The following HORMAD2 variants were observed in gnomAD, a reference collection of about 807,000 sequenced individuals.
HORMAD2 encodes HORMA domain containing 2.
HORMAD2 carries 45 observed loss-of-function variants against 38.8 expected under a neutral mutation model. That is an observed-to-expected ratio of 1.16 (90% confidence interval 0.91 to 1.49). The LOEUF (loss-of-function observed/expected upper bound fraction) is 1.49, where lower values mean the gene tolerates loss of function less well. Among genes scored for constraint, HORMAD2 ranks in the 40% most tolerant of loss-of-function variants. The probability of loss-of-function intolerance (pLI) is 0.00; values close to 1 mark genes in which losing one functional copy is unlikely to be tolerated. For synonymous variants in HORMAD2, 126 were observed against 122.8 expected, an observed-to-expected ratio of 1.03 and a Z score of -0.17; for missense variants, 338 against 367.0, an observed-to-expected ratio of 0.92 and a Z score of 0.65.
downstream of HORMAD2, among the ~76,000 whole-genome samples, chr22:30,177,955 C>T (rs1473371175): frequency 6.6e-6 from 1 of 151,962 alleles, no homozygotes; most frequent in Non-Finnish European, 1.5e-5. Flanking sequence ...GCTAGGATTA[C>T]AGGCATGAGC....
At chr22:30,195,983 A>G in the HORMAD2 span, among the ~76,000 whole-genome samples, 2 of 152,210 alleles carry the variant, frequency 1.3e-5, no homozygotes, top group African/African-American at 4.8e-5. Flanking sequence ...TGGGAAAGAA[A>G]AACTTTTCCT....
At chr22:30,198,795 A>G in the HORMAD2 span, among the ~76,000 whole-genome samples, 10 of 145,336 alleles carry the variant, frequency 6.9e-5, no homozygotes, top group African/African-American at 2.4e-4. Flanking sequence ...TATAATTCAC[A>G]TTTTAAATTA....
Position 30,098,834 on chromosome 22 carries a change from C to A in HORMAD2, c.52-18C>A, listed in dbSNP as rs1920926055. ...ATTAAATAATACTAATCTTTTTTCACCTCCGTTGTTTTTCCAGGAAACAGT... is the reference window on the plus strand; with the variant it reads ...ATTAAATAATACTAATCTTTTTTCAACTCCGTTGTTTTTCCAGGAAACAGT... On this transcript the variant is annotated intron_variant, in intron 2 of 10. Coordinates refer to ENST00000336726, the MANE Select transcript of HORMAD2 (RefSeq NM_152510.4). The A allele has an allele frequency of 1.2e-6, 2 of 1,600,900 alleles. No individual in the cohort carries two copies. The highest frequency in any genetic ancestry group is 1.3e-5 in the African/African-American group (1 of 74,094).
intron 10 of HORMAD2, among the ~76,000 whole-genome samples, chr22:30,158,356 AT>A (rs1569115136): frequency 6.6e-6 from 1 of 152,210 alleles, no homozygotes; most frequent in Non-Finnish European, 1.5e-5. Flanking sequence ...ATATCTAAGG[AT>A]GACAAATATT....
Position 30,119,026 on chromosome 22 carries a change from G to T in HORMAD2, c.389G>T (p.Gly130Val). 1 of 1,587,880 alleles carries T rather than the reference G, an allele frequency of 6.3e-7. No individual in the cohort carries two copies. The highest frequency in any genetic ancestry group is 8.6e-7 in the Non-Finnish European group (1 of 1,165,478). ...YQFKFKYTKEGATMDFDSHSS... is the reference protein window; with the variant it reads ...YQFKFKYTKEVATMDFDSHSS... The stretch of plus-strand genomic sequence containing the variant: ...TTCAAATTCAAATACACGAAAGAAG[G>T]AGCCACTATGGATTTTGACAGGTAG... The change falls in exon 8 of 11, where the codon GGA (glycine) becomes GTA (valine). Residue 130 changes from glycine (G) to valine (V), a missense_variant. Transcript: ENST00000336726.
intron 7 of HORMAD2, among the ~76,000 whole-genome samples, chr22:30,114,625 A>G (rs1400451206): frequency 1.3e-5 from 2 of 152,222 alleles, no homozygotes; most frequent in African/African-American, 2.4e-5. Context: ...AAATTGCACA[A>G]ACAATAACAA....
At chr22:30,101,917 A>G (rs1185448647) in intron 3 of HORMAD2, among the ~76,000 whole-genome samples, 1 of 151,954 alleles carries the variant, frequency 6.6e-6, no homozygotes, top group Non-Finnish European at 1.5e-5. Context: ...AAATACAAAA[A>G]ATTAGCTGGC....
chr22:30,109,262 G>T (rs1253428984), intron 5 of HORMAD2, among the ~76,000 whole-genome samples: 1 of 152,024 alleles, frequency 6.6e-6, no homozygotes, highest in African/African-American at 2.4e-5. Flanking sequence ...CTGACCTTGT[G>T]ATCCTCCGGC....
At chr22:30,085,022 T>C (rs1423627618) in intron 1 of HORMAD2, among the ~76,000 whole-genome samples, 3 of 151,992 alleles carry the variant, frequency 2.0e-5, no homozygotes, top group Non-Finnish European at 2.9e-5. Context: ...GGCAGTCGCC[T>C]GTAGTCCCAG....
At chr22:30,162,552 G>A (rs1925512493) in intron 10 of HORMAD2, among the ~76,000 whole-genome samples, 1 of 152,004 alleles carries the variant, frequency 6.6e-6, no homozygotes, top group Admixed American at 6.6e-5. Context: ...TAAATTAAAT[G>A]TTAAATTTTA....
At chr22:30,103,188 C>T (rs1352686667) in intron 3 of HORMAD2, among the ~76,000 whole-genome samples, 2 of 152,000 alleles carry the variant, frequency 1.3e-5, no homozygotes, top group Non-Finnish European at 1.5e-5. Context: ...ATTTTGGAGC[C>T]AACTCAGTTG....
At chr22:30,094,534 C>A (rs1431886089) in intron 2 of HORMAD2, among the ~76,000 whole-genome samples, 1 of 152,112 alleles carries the variant, frequency 6.6e-6, no homozygotes, top group Non-Finnish European at 1.5e-5. Flanking sequence ...GTGTAACTCA[C>A]TGATAAAATA....
chr22:30,177,463 G>A (rs1421633752), downstream of HORMAD2, among the ~76,000 whole-genome samples: 2 of 152,210 alleles, frequency 1.3e-5, no homozygotes, highest in Admixed American at 6.5e-5. Flanking sequence ...TGCAGGCAAG[G>A]AGGAGCATTT....
At chr22:30,169,833 A>C (rs1926002742) in intron 10 of HORMAD2, among the ~76,000 whole-genome samples, 1 of 152,100 alleles carries the variant, frequency 6.6e-6, no homozygotes, top group Admixed American at 6.6e-5. Context: ...AACTTGGATA[A>C]TTTTTGTCAT....
intron 2 of HORMAD2, among the ~76,000 whole-genome samples, chr22:30,098,413 G>A (rs1920924492): frequency 6.6e-6 from 1 of 152,150 alleles, no homozygotes; most frequent in African/African-American, 2.4e-5. Flanking sequence ...GAGAGTATGT[G>A]GGTAACAGTG....
chr22:30,201,794 TAGA>T, the HORMAD2 span, among the ~76,000 whole-genome samples: 1 of 152,106 alleles, frequency 6.6e-6, no homozygotes, highest in East Asian at 1.9e-4. Context: ...AGGCTACATC[TAGA>T]AGTTGTGGTC....
chr22:30,111,641 G>A (rs1921662890), intron 5 of HORMAD2, among the ~76,000 whole-genome samples, 155 bp from the exon 6 acceptor site: 3 of 152,118 alleles, frequency 2.0e-5, no homozygotes, highest in Non-Finnish European at 4.4e-5. Flanking sequence ...ACTGAGGGAT[G>A]ACTGTATCCT....
In HORMAD2 at chr22:30,174,038, G is replaced by T. The variant is rs142124786; in HGVS notation, c.820-2025G>T. ...AGTAGGGCAACATCATATACAGAAA[G>T]CATATCTTCAGGGCTTTTTTCAGAT... On this transcript the variant is annotated intron_variant, in intron 10 of 10. Transcript: ENST00000336726. Among the ~76,000 whole-genome samples the T allele has an allele frequency of 4.9e-3, 741 of 152,228 alleles. 3 individuals carry two copies. The highest frequency in any genetic ancestry group is 0.01 in the South Asian group (49 of 4,822).
chr22:30,174,291 G>A (rs1429048890), intron 10 of HORMAD2, among the ~76,000 whole-genome samples: 2 of 152,168 alleles, frequency 1.3e-5, no homozygotes, highest in Non-Finnish European at 2.9e-5. Flanking sequence ...TGCTTGGCTT[G>A]TTGGCTTTGG....
Sources: gnomAD v4.1 joint callset for allele counts (sites outside exome capture counted in the v4.1 genomes callset) on GRCh38, gnomAD v4.1.1 for gene constraint, MANE v1.5 for transcripts, NCBI Gene and HGNC (gene_info 2026-07-23, HGNC 2026-07-21) for gene names.